RAC1: variants seen among roughly 807,000 people sequenced by gnomAD.
The protein encoded by RAC1 is ras-related C3 botulinum toxin substrate 1.
Under a neutral mutation model 25.2 loss-of-function variants are expected in RAC1, and 2 were observed. The observed-to-expected ratio is 0.08, with a 90% confidence interval of 0.03 to 0.25. The LOEUF is 0.25. RAC1 is among the 10% of genes least tolerant of loss of function. The pLI, the probability that RAC1 is intolerant of heterozygous loss-of-function variation, is 1.00. For missense variants in RAC1, 50 were observed against 235.7 expected, an observed-to-expected ratio of 0.21 and a Z score of 5.16; for synonymous variants, 88 against 94.0, an observed-to-expected ratio of 0.94 and a Z score of 0.37.
chr7:6,385,987 A>G (rs934027950), intron 1 of RAC1, among the ~76,000 whole-genome samples: 2 of 152,176 alleles, frequency 1.3e-5, no homozygotes, highest in African/African-American at 4.8e-5. Flanking sequence ...ATGTTTTGCT[A>G]ATGATGTGGT....
At position 6,383,278 on chromosome 7, in the gene RAC1, C is replaced by T. The variant is rs145123385; in HGVS notation, c.36-3934C>T. 2.6e-5 allele frequency among the ~76,000 whole-genome samples: 4 copies of T among 152,274 alleles called. No individual in the cohort carries two copies. In the East Asian group the frequency reaches 7.7e-4, roughly 29 times the overall value. On this transcript the variant is annotated intron_variant, in intron 1 of 5. Coordinates refer to ENST00000348035, the MANE Select transcript of RAC1 (RefSeq NM_006908.5). The stretch of plus-strand genomic sequence containing the variant: ...CAGATGTTGACTTGGTTTGTGGAAG[C>T]GCAGCGTGGACAAGGAATGAATATA...
Position 6,403,299 on chromosome 7 carries a change from T to C in RAC1, c.*853T>C. 4.7e-6 allele frequency: 1 copy of C among 211,500 alleles called. No individual in the cohort carries two copies. Among genetic ancestry groups the C allele is most frequent in the Non-Finnish European group, 9.6e-6 (1 of 104,148 alleles). The allele number at this position is 211,500 out of a possible 1,614,324, so 13.1% of individuals were successfully genotyped here. ...AAGAAAGGTTGGTATTATCAGGAAA[T>C]GTTTTCTTAAGCTTTTCCTTTCTCT... On this transcript the variant is annotated 3_prime_UTR_variant, in exon 6 of 6. Coordinates refer to ENST00000348035, the MANE Select transcript of RAC1 (RefSeq NM_006908.5).
At chr7:6,387,431 T>C in intron 2 of RAC1, 148 bp downstream of exon 2, 1 of 616,962 alleles carries the variant, frequency 1.6e-6, no homozygotes, top group Non-Finnish European at 2.8e-6. Flanking sequence ...AATTATAAGG[T>C]ATATTAGGCT....
intron 1 of RAC1, among the ~76,000 whole-genome samples, chr7:6,383,088 T>C (rs1562462684): frequency 6.6e-6 from 1 of 152,182 alleles, no homozygotes; most frequent in Non-Finnish European, 1.5e-5. Context: ...TGCTCGATGA[T>C]TGAAAAGAGG....
intron 1 of RAC1, among the ~76,000 whole-genome samples, chr7:6,384,254 G>C (rs984952288): frequency 1.3e-5 from 2 of 152,036 alleles, no homozygotes; most frequent in African/African-American, 2.4e-5. Flanking sequence ...CCCCATTCTT[G>C]GTCCAGGCCA....
chr7:6,390,147 C>T lies in RAC1; in HGVS notation c.108-1777C>T, dbSNP rs182376263. 3.3e-3 allele frequency among the ~76,000 whole-genome samples: 439 copies of T among 133,842 alleles called. 2 individuals are homozygous for T. The highest frequency in any genetic ancestry group is 0.015 in the Middle Eastern group (4 of 264). 87.8% of individuals were successfully genotyped at this position (133,842 alleles called of 152,430 possible). ...TGGGGTCTTGCAGTATTGCCCAGGC[C>T]GGACTTGAAGTACTGGTCCTTCCAC... is the stretch of plus-strand genomic sequence containing the variant. On this transcript the variant is annotated intron_variant, in intron 2 of 5. Transcript: ENST00000348035.
At chr7:6,392,561 G>A (rs1346204936) in intron 3 of RAC1, among the ~76,000 whole-genome samples, 1 of 152,114 alleles carries the variant, frequency 6.6e-6, no homozygotes, top group East Asian at 1.9e-4. Context: ...TGTATCCACT[G>A]TGTCTAATCA....
intron 1 of RAC1, among the ~76,000 whole-genome samples, chr7:6,380,566 C>G (rs774476447): frequency 6.6e-6 from 1 of 152,142 alleles, no homozygotes; most frequent in Non-Finnish European, 1.5e-5. Context: ...TCCATCACTA[C>G]GTAGCTCTTA....
chr7:6,394,614 G>A (rs184574695), intron 3 of RAC1, among the ~76,000 whole-genome samples: 95 of 152,252 alleles, frequency 6.2e-4, no homozygotes, highest in South Asian at 1.4e-3. Context: ...CTCCATGTTG[G>A]GGTCAGCCAG....
At chr7:6,397,392 T>G (rs1358340925) in intron 3 of RAC1, among the ~76,000 whole-genome samples, 1 of 151,722 alleles carries the variant, frequency 6.6e-6, no homozygotes, top group Non-Finnish European at 1.5e-5. Flanking sequence ...CCTCCCGGGT[T>G]CAAGCAGTTC....
intron 1 of RAC1, among the ~76,000 whole-genome samples, chr7:6,378,556 A>T (rs575859921): frequency 6.6e-6 from 1 of 152,294 alleles, no homozygotes; most frequent in South Asian, 2.1e-4. Context: ...TGAAAAAAAA[A>T]GAAAAAAAGT....
chr7:6,384,916 G>A (rs35733871), intron 1 of RAC1, among the ~76,000 whole-genome samples: 15 of 151,672 alleles, frequency 9.9e-5, no homozygotes, highest in Admixed American at 2.6e-4. Context: ...AGTGATCCTC[G>A]TGCCTCAGCC....
intron 2 of RAC1, 146 bp from the exon 3 acceptor site, chr7:6,391,778 C>A: frequency 2.4e-5 from 31 of 1,317,598 alleles, no homozygotes; most frequent in Non-Finnish European, 3.1e-5. Flanking sequence ...GTGCCGCCTT[C>A]CTCCTTGTGC....
rs34847745 is a variant in RAC1, at chr7:6,383,784, C to CTTTTTTTTTT, written c.36-3402_36-3393dup. On this transcript the variant is annotated intron_variant, in intron 1 of 5. Coordinates refer to ENST00000348035, the MANE Select transcript of RAC1 (RefSeq NM_006908.5). The stretch of plus-strand genomic sequence containing the variant: ...GTTAAGGTTTTTACACAACCTTTAT[C>CTTTTTTTTTT]TTTTTTTTTTTTTTTTTTTTTTTTT... Among the ~76,000 whole-genome samples the CTTTTTTTTTT allele has an allele frequency of 7.3e-3, 291 of 39,780 alleles. 19 individuals carry two copies. The highest frequency in any genetic ancestry group is 0.016 in the East Asian group (10 of 632). The allele number at this position is 39,780 out of a possible 152,430, so 26.1% of individuals were successfully genotyped here. A position where few individuals can be genotyped will look rare whatever the true frequency, so the allele number is the denominator to read the frequency against.
intron 4 of RAC1, 108 bp from the exon 5 acceptor site, chr7:6,401,760 T>A (rs1783409580): frequency 8.2e-7 from 1 of 1,225,172 alleles, no homozygotes; most frequent in East Asian, 2.4e-5. Flanking sequence ...TGGGGAGGCC[T>A]TGCCTGAGGT....
chr7:6,399,785 A>G, intron 3 of RAC1: 2 of 234,606 alleles, frequency 8.5e-6, no homozygotes, highest in East Asian at 1.7e-4. Flanking sequence ...TTACAGAAAT[A>G]TTGGAATCAT....
At chr7:6,397,101 C>T (rs978058711) in intron 3 of RAC1, among the ~76,000 whole-genome samples, 2 of 139,356 alleles carry the variant, frequency 1.4e-5, no homozygotes, top group African/African-American at 5.4e-5. Flanking sequence ...TTTAGCTGGG[C>T]GCAGTGGCGG....
chr7:6,380,394 G>A (rs1435470934), intron 1 of RAC1, among the ~76,000 whole-genome samples: 1 of 152,034 alleles, frequency 6.6e-6, no homozygotes, highest in Non-Finnish European at 1.5e-5. Context: ...GTGTGTGTGT[G>A]TGTTTTAATT....
intron 2 of RAC1, 140 bp from the exon 3 acceptor site, chr7:6,391,784 T>A: frequency 7.3e-7 from 1 of 1,369,338 alleles, no homozygotes; most frequent in Admixed American, 2.5e-5. Flanking sequence ...CCTTCCTCCT[T>A]GTGCCTGCAG....
Sources: allele counts gnomAD v4.1 joint callset (sites outside exome capture counted in the v4.1 genomes callset), GRCh38; gene constraint gnomAD v4.1.1; transcripts MANE v1.5; gene names NCBI Gene and HGNC (gene_info 2026-07-23, HGNC 2026-07-21).